The following ZNF746 variants were observed in gnomAD, a reference collection of about 807,000 sequenced individuals.
The protein encoded by ZNF746 is parkin-interacting substrate.
ZNF746 carries 13 observed loss-of-function variants against 41.0 expected under a neutral mutation model. That is an observed-to-expected ratio of 0.32 (90% CI 0.21 to 0.50). ZNF746 has a LOEUF of 0.50. Among genes scored for constraint, ZNF746 ranks in the 20% least tolerant of loss-of-function variants. ZNF746 has a pLI of 0.98. For synonymous variants in ZNF746, 424 were observed against 396.2 expected (o/e 1.07, Z -0.83); for missense variants, 811 against 922.9 (o/e 0.88, Z 1.57).
At chr7:149,475,803 C>A (rs62491927) in intron 6 of ZNF746, among the ~76,000 whole-genome samples, 37,822 of 152,150 alleles carry the variant, frequency 0.25, 4,914 homozygotes, top group Middle Eastern at 0.36. Context: ...GGCACTGTGC[C>A]CCACCACAGT....
chr7:149,480,688 G>A (rs556601106), intron 4 of ZNF746, among the ~76,000 whole-genome samples: 44 of 152,210 alleles, frequency 2.9e-4, no homozygotes, highest in Non-Finnish European at 4.9e-4. Context: ...TGCCAGCCTC[G>A]GCCTCCCCAA....
At position 149,494,093 on chromosome 7, in the gene ZNF746, A is replaced by G; in HGVS notation, c.347T>C (p.Val116Ala). Reference protein sequence around the residue: ...SPKVPVTFDDVAVYFSEQEWG... With the variant: ...SPKVPVTFDDAAVYFSEQEWG... ...CTCCTGCTCGGAGAAATACACGGCC[A>G]CATCATCAAAGGTCACGGGCACCTG... is the stretch of plus-strand genomic sequence containing the variant. Residue 116 changes from valine to alanine, a missense_variant, in exon 3 of 7, where the codon GTG (valine) becomes GCG (alanine). Coordinates refer to ENST00000458143, the MANE Select transcript of ZNF746 (RefSeq NM_001394198.1). This position sits in a 1 kb window ranked among gnomAD's most constrained non-coding sequence, Gnocchi z 5.6. The G allele has an allele frequency of 3.7e-6, 6 of 1,614,092 alleles. No individual in the cohort carries two copies. The highest frequency in any genetic ancestry group is 5.1e-6 in the Non-Finnish European group (6 of 1,180,004).
chr7:149,494,053 C>T lies in ZNF746; in HGVS notation c.387G>A (p.Glu129=). 1 of 1,614,204 alleles carries T rather than the reference C, an allele frequency of 6.2e-7. No individual in the cohort carries two copies. Among genetic ancestry groups the T allele is most frequent in the South Asian group, 1.1e-5 (1 of 91,092 alleles). ...YFSEQEWGKL[E]DWQKELYKHV... is the part of the protein sequence containing the mutation. Reference sequence around the variant, plus strand: ...GCTTGTAGAGCTCCTTCTGCCAGTCCTCCAGCTTGCCCCACTCCTGCTCGG... The same window carrying T: ...GCTTGTAGAGCTCCTTCTGCCAGTCTTCCAGCTTGCCCCACTCCTGCTCGG... Residue 129 remains glutamate, a synonymous_variant, in exon 3 of 7, where the codon GAG becomes GAA. Transcript: ENST00000458143. This position sits in a 1 kb window ranked among gnomAD's most constrained non-coding sequence, Gnocchi z 5.6.
chr7:149,487,513 T>C (rs1800664235), intron 4 of ZNF746: 1 of 151,968 alleles, frequency 6.6e-6, no homozygotes, highest in South Asian at 2.1e-4. Context: ...ATAAGAAAAA[T>C]AAAGTTACAA....
intron 6 of ZNF746, among the ~76,000 whole-genome samples, chr7:149,475,868 A>G (rs920909471): frequency 6.6e-6 from 1 of 152,246 alleles, no homozygotes; most frequent in African/African-American, 2.4e-5. Flanking sequence ...GGCTGCAGGC[A>G]GTTTCTAACC....
chr7:149,478,332 G>A lies in ZNF746; in HGVS notation c.566-577C>T, dbSNP rs985787603. Among the ~76,000 whole-genome samples the A allele has an allele frequency of 3.3e-5, 5 of 152,296 alleles. No homozygotes were observed. The East Asian group carries it at 9.6e-4, about 29-fold the overall frequency. On this transcript the variant is annotated intron_variant, in intron 4 of 6. Transcript: ENST00000458143. ...CCTGAAGCCAGGAGTCATAGGCTCT[G>A]GCCTGTCTGTGAGATGGGGACTAGG...
At chr7:149,496,789 C>G (rs1801010867) in intron 1 of ZNF746, 1 of 985,098 alleles carries the variant, frequency 1.0e-6, no homozygotes, top group Non-Finnish European at 1.2e-6. Context: ...AAGCTTCCAC[C>G]TGGGCGCCAG....
intron 4 of ZNF746, chr7:149,489,233 T>TCTCA (rs71531625): frequency 2.8e-5 from 4 of 142,732 alleles, no homozygotes; most frequent in African/African-American, 1.0e-4. Context: ...ATACATTATT[T>TCTCA]CACACACACA....
At chr7:149,495,547 C>T (rs1420400497) in intron 1 of ZNF746, among the ~76,000 whole-genome samples, 8 of 152,214 alleles carry the variant, frequency 5.3e-5, no homozygotes, top group Non-Finnish European at 1.2e-4. Flanking sequence ...GTGGGACCTA[C>T]AGGGCACAGA....
chr7:149,475,535 G>A (rs1800270531), intron 6 of ZNF746, 52 bp from the exon 7 acceptor site: 2 of 1,546,986 alleles, frequency 1.3e-6, no homozygotes, highest in Non-Finnish European at 8.7e-7. Context: ...TGCTGAGCGA[G>A]CCACGATCTG....
chr7:149,479,782 C>T (rs577283010), intron 4 of ZNF746, among the ~76,000 whole-genome samples: 2 of 152,210 alleles, frequency 1.3e-5, no homozygotes, highest in East Asian at 1.9e-4. Flanking sequence ...TGTCTGTAAT[C>T]TCAGCAGTCT....
intron 4 of ZNF746, among the ~76,000 whole-genome samples, chr7:149,483,675 AAAAT>A (rs766951459): frequency 8.5e-5 from 13 of 152,150 alleles, no homozygotes; most frequent in Non-Finnish European, 1.5e-4. Flanking sequence ...AAGACATTAG[AAAAT>A]AAATAACATT....
chr7:149,497,408 C>G lies in ZNF746; in HGVS notation c.24+105G>C. On this transcript the variant is annotated intron_variant, in intron 1 of 6. Transcript: ENST00000458143. This position sits in a 1 kb window ranked among gnomAD's most constrained non-coding sequence, Gnocchi z 4.2. ...GGGAGCCCCAGGCCCGGTGGTCCGGCCCGGACCCCGGAACCCCTCCCCAGG... is the reference window on the plus strand; with the variant it reads ...GGGAGCCCCAGGCCCGGTGGTCCGGGCCGGACCCCGGAACCCCTCCCCAGG... 9.9e-7 allele frequency: 1 copy of G among 1,014,948 alleles called. No individual in the cohort carries two copies. The highest frequency in any genetic ancestry group is 8.6e-5 in the East Asian group (1 of 11,652). 62.9% of individuals were successfully genotyped at this position (1,014,948 alleles called of 1,614,324 possible).
At chr7:149,489,273 ACG>A (rs1491213659) in intron 4 of ZNF746, 1 of 147,884 alleles carries the variant, frequency 6.8e-6, no homozygotes, top group African/African-American at 2.5e-5. Context: ...ACACACACAC[ACG>A]TTTTAAATTT....
chr7:149,483,815 C>T (rs1489352493), intron 4 of ZNF746, among the ~76,000 whole-genome samples: 4 of 152,110 alleles, frequency 2.6e-5, no homozygotes, highest in Non-Finnish European at 5.9e-5. Context: ...TAAACCAATT[C>T]ACCTCTAGCA....
In ZNF746 at chr7:149,494,120, A is replaced by C. The variant is rs1211143827; in HGVS notation, c.325-5T>G. On this transcript the variant is annotated splice_polypyrimidine_tract_variant and splice_region_variant and intron_variant, in intron 2 of 6. Transcript: ENST00000458143. The surrounding 1 kb of genome is among the most constrained non-coding windows in gnomAD (Gnocchi z 5.6). ...ATCATCAAAGGTCACGGGCACCTGG[A>C]ACCACAAGTGTCACACTCGCTCACC... 1.9e-6 allele frequency: 3 copies of C among 1,614,050 alleles called. No individual in the cohort carries two copies. The highest frequency in any genetic ancestry group is 2.5e-6 in the Non-Finnish European group (3 of 1,180,042).
At position 149,497,023 on chromosome 7, in the gene ZNF746, G is replaced by C. The variant is rs1801021086; in HGVS notation, c.24+490C>G. The stretch of plus-strand genomic sequence containing the variant: ...GACTAACGCCTCAACAGGGCTTGTG[G>C]AAGTGCGTGGCTCTATATTCCCTTC... On this transcript the variant is annotated intron_variant, in intron 1 of 6. Coordinates refer to ENST00000458143, the MANE Select transcript of ZNF746 (RefSeq NM_001394198.1). The surrounding 1 kb of genome is among the most constrained non-coding windows in gnomAD (Gnocchi z 4.2). 24 of 985,460 alleles carry C rather than the reference G, an allele frequency of 2.4e-5. No homozygotes were observed. Among genetic ancestry groups the C allele is most frequent in the Non-Finnish European group, 2.7e-5 (22 of 829,932 alleles). The allele number at this position is 985,460 out of a possible 1,614,324, so 61.0% of individuals were successfully genotyped here.
In ZNF746 at chr7:149,485,072, G is replaced by A. The variant is rs970200292; in HGVS notation, c.566-7317C>T. Reference sequence around the variant, plus strand: ...TAGGAGAAAAAGCATTTGAAGAGGGGTATTCTCTGCCCTCAAGTCCCCAAC... The same window carrying A: ...TAGGAGAAAAAGCATTTGAAGAGGGATATTCTCTGCCCTCAAGTCCCCAAC... On this transcript the variant is annotated intron_variant, in intron 4 of 6. Coordinates refer to ENST00000458143, the MANE Select transcript of ZNF746 (RefSeq NM_001394198.1). Among the ~76,000 whole-genome samples, 9 of 150,838 alleles carry A rather than the reference G, an allele frequency of 6.0e-5. No homozygotes were observed. In the East Asian group the frequency reaches 1.6e-3, roughly 26 times the overall value.
rs553628810 is a variant in ZNF746, at chr7:149,474,510, C to T, written c.1857G>A (p.Thr619=). The T allele has an allele frequency of 2.0e-5, 32 of 1,609,534 alleles. No homozygotes were observed. The highest frequency in any genetic ancestry group is 2.5e-5 in the Non-Finnish European group (29 of 1,177,978). ...TGAAGGGATCAGGAGGTGCGGGCGGCGTCGGGAGTGGCTGGCCTCGGGCCG... is the reference window on the plus strand; with the variant it reads ...TGAAGGGATCAGGAGGTGCGGGCGGTGTCGGGAGTGGCTGGCCTCGGGCCG... ...KTPARGQPLP[T]PPAPPDPFKS... is the part of the protein sequence containing the mutation. The change falls in exon 7 of 7, where the codon ACG becomes ACA. Residue 619 remains threonine (T), a synonymous_variant. Transcript: ENST00000458143. This position sits in a 1 kb window ranked among gnomAD's most constrained non-coding sequence, Gnocchi z 6.3.
Sources: gnomAD v4.1 joint callset for allele counts (sites outside exome capture counted in the v4.1 genomes callset) on GRCh38, gnomAD v4.1.1 for gene constraint, Gnocchi (gnomAD v3.1) non-coding constraint, MANE v1.5 for transcripts, NCBI Gene and HGNC (gene_info 2026-07-23, HGNC 2026-07-21) for gene names.